Variants in RAD51B observed in about 807,000 individuals in gnomAD.
RAD51B encodes the protein DNA repair protein RAD51 homolog 2.
A neutral mutation model predicts 42.2 loss-of-function variants in RAD51B; 38 were observed. That is an observed-to-expected ratio of 0.90 (90% confidence interval 0.70 to 1.18). RAD51B has a LOEUF of 1.18. RAD51B is among the 50% of genes most tolerant of loss of function. The probability of loss-of-function intolerance (pLI) is 0.00; values close to 1 mark genes in which losing one functional copy is unlikely to be tolerated. For synonymous variants in RAD51B, 154 were observed against 145.2 expected, an observed-to-expected ratio of 1.06 and a Z score of -0.43; for missense variants, 373 against 400.7, an observed-to-expected ratio of 0.93 and a Z score of 0.59.
chr14:68,400,855 T>C (rs972476320), intron 8 of RAD51B, among the ~76,000 whole-genome samples: 1 of 152,212 alleles, frequency 6.6e-6, no homozygotes. Context: ...TAAAAACTTA[T>C]TTGCAAAGGT....
At chr14:68,557,932 G>A (rs988518429) in intron 10 of RAD51B, among the ~76,000 whole-genome samples, 2 of 145,850 alleles carry the variant, frequency 1.4e-5, no homozygotes, top group Non-Finnish European at 3.1e-5. Flanking sequence ...ATTTTAAAAA[G>A]ATGTGTGAGT....
At chr14:67,903,754 T>C (rs2043688625) in intron 7 of RAD51B, among the ~76,000 whole-genome samples, 1 of 152,196 alleles carries the variant, frequency 6.6e-6, no homozygotes. Context: ...TTTTTTTCTT[T>C]CCAACTTTTA....
chr14:68,449,890 A>G (rs926311972), intron 9 of RAD51B, among the ~76,000 whole-genome samples: 7 of 152,176 alleles, frequency 4.6e-5, no homozygotes, highest in South Asian at 2.1e-4. Flanking sequence ...CTCGGTCTGA[A>G]TATTGAAGAA....
chr14:68,584,039 C>T (rs1041460761), intron 10 of RAD51B, among the ~76,000 whole-genome samples: 1 of 151,964 alleles, frequency 6.6e-6, no homozygotes, highest in African/African-American at 2.4e-5. Context: ...TAAAGGTTTC[C>T]TAGAAGAGTC....
intron 7 of RAD51B, among the ~76,000 whole-genome samples, chr14:68,053,884 T>G (rs1244917051): frequency 9.2e-5 from 14 of 152,230 alleles, no homozygotes; most frequent in Non-Finnish European, 1.9e-4. Context: ...GATCTCACTT[T>G]GCTCTGAGAT....
chr14:68,475,691 T>A (rs189019884), intron 10 of RAD51B, among the ~76,000 whole-genome samples: 9,459 of 151,192 alleles, frequency 0.063, 401 homozygotes, highest in Non-Finnish European at 0.091. Context: ...CCTCCACTTT[T>A]AAAAAAAAAA....
chr14:68,293,281 A>C (rs35763290), intron 8 of RAD51B, among the ~76,000 whole-genome samples: 9,276 of 152,086 alleles, frequency 0.061, 400 homozygotes, highest in Middle Eastern at 0.092. Flanking sequence ...TCTGAGAATG[A>C]GCTAAAATCA....
chr14:68,305,025 A>G (rs1347735324), intron 8 of RAD51B, among the ~76,000 whole-genome samples: 4 of 152,340 alleles, frequency 2.6e-5, no homozygotes, highest in Admixed American at 1.3e-4. Flanking sequence ...GCCAAAAACT[A>G]TAGTGCTACT....
intron 5 of RAD51B, among the ~76,000 whole-genome samples, chr14:67,877,002 A>C (rs751632479): frequency 6.6e-5 from 10 of 152,142 alleles, no homozygotes; most frequent in Non-Finnish European, 1.0e-4. Context: ...TACTACCTCC[A>C]TTTTATGAAT....
chr14:68,206,717 T>G (rs1173053999), intron 7 of RAD51B, among the ~76,000 whole-genome samples: 1 of 152,000 alleles, frequency 6.6e-6, no homozygotes, highest in African/African-American at 2.4e-5. Flanking sequence ...TGGCATAAGT[T>G]ATTCTAGGCA....
chr14:68,067,193 T>G (rs2076664824), intron 7 of RAD51B, among the ~76,000 whole-genome samples: 1 of 152,154 alleles, frequency 6.6e-6, no homozygotes, highest in South Asian at 2.1e-4. Context: ...CTGGTCATGG[T>G]GGCTCATGCC....
At chr14:68,332,510 T>C (rs1331554976) in intron 8 of RAD51B, among the ~76,000 whole-genome samples, 1 of 152,192 alleles carries the variant, frequency 6.6e-6, no homozygotes, top group African/African-American at 2.4e-5. Flanking sequence ...GGTGCATGGC[T>C]CTTAACTACT....
chr14:68,668,182 G>C (rs17835244), intron 11 of RAD51B, among the ~76,000 whole-genome samples: 30,456 of 152,070 alleles, frequency 0.2, 3,473 homozygotes, highest in Admixed American at 0.24. Flanking sequence ...ATCAACCCTG[G>C]GGTCACCCTC....
intron 10 of RAD51B, among the ~76,000 whole-genome samples, chr14:68,601,791 A>G (rs1019046318): frequency 6.6e-5 from 10 of 151,668 alleles, no homozygotes; most frequent in Admixed American, 5.9e-4. Flanking sequence ...CTCACTCTGC[A>G]TTTTCCTTGT....
intron 8 of RAD51B, among the ~76,000 whole-genome samples, chr14:68,354,051 A>T (rs2082844128): frequency 6.6e-6 from 1 of 152,210 alleles, no homozygotes; most frequent in Non-Finnish European, 1.5e-5. Flanking sequence ...TGTTGACGAT[A>T]GCAATGTTTT....
intron 7 of RAD51B, among the ~76,000 whole-genome samples, chr14:68,086,097 A>T (rs2076979571): frequency 6.6e-6 from 1 of 151,982 alleles, no homozygotes; most frequent in Admixed American, 6.6e-5. Flanking sequence ...TAATTGAATC[A>T]CTCGTGGGCT....
At position 68,434,490 on chromosome 14, in the gene RAD51B, A is replaced by G. The variant is rs148781089; in HGVS notation, c.957+22963A>G. ...CGCTGCTGCCTTGCAGTTCAATCTC[A>G]GACTGTTGTGCTAGCAATGAGCGAG... On this transcript the variant is annotated intron_variant, in intron 9 of 10. Transcript: ENST00000471583. Among the ~76,000 whole-genome samples, 25 of 152,240 alleles carry G rather than the reference A, an allele frequency of 1.6e-4. No homozygotes were observed. The East Asian group carries it at 4.6e-3, about 28-fold the overall frequency.
intron 7 of RAD51B, among the ~76,000 whole-genome samples, chr14:68,193,004 A>G (rs972832433): frequency 5.3e-5 from 8 of 152,200 alleles, no homozygotes; most frequent in Non-Finnish European, 7.3e-5. Flanking sequence ...GACACTCAAA[A>G]TGTTTCCAAA....
At chr14:68,651,816 G>T (rs779008014) in intron 11 of RAD51B, among the ~76,000 whole-genome samples, 1 of 152,180 alleles carries the variant, frequency 6.6e-6, no homozygotes, top group Non-Finnish European at 1.5e-5. Context: ...AATTTGCAGA[G>T]TGCTGCTCAC....
Sources: allele counts gnomAD v4.1 joint callset (sites outside exome capture counted in the v4.1 genomes callset), GRCh38; gene constraint gnomAD v4.1.1; transcripts MANE v1.5; gene names NCBI Gene and HGNC (gene_info 2026-07-23, HGNC 2026-07-21).